PASK: variants seen among roughly 807,000 people sequenced by gnomAD.
PASK encodes the protein PAS domain-containing serine/threonine-protein kinase.
In PASK, 110 loss-of-function variants were observed where a neutral mutation model predicts 121.0. That is an observed-to-expected ratio of 0.91 (90% CI 0.78 to 1.06). PASK has a LOEUF of 1.06. Ranked by LOEUF, PASK falls within the 50% of genes least tolerant of loss-of-function variation. The probability of loss-of-function intolerance (pLI) is 0.00; values close to 1 mark genes in which losing one functional copy is unlikely to be tolerated. For missense variants in PASK, 1,643 were observed against 1,702.3 expected, an observed-to-expected ratio of 0.97 and a Z score of 0.61; for synonymous variants, 686 against 717.8, an observed-to-expected ratio of 0.96 and a Z score of 0.71.
At chr2:241,143,414 G>A (rs1330592819) in intron 1 of PASK, among the ~76,000 whole-genome samples, 1 of 152,128 alleles carries the variant, frequency 6.6e-6, no homozygotes, top group African/African-American at 2.4e-5. Flanking sequence ...AGCCGGGCAT[G>A]GTGGCGGGTG....
At chr2:241,110,221 G>A (rs191068436) in intron 15 of PASK, among the ~76,000 whole-genome samples, 4 of 152,358 alleles carry the variant, frequency 2.6e-5, no homozygotes, top group African/African-American at 4.8e-5. Context: ...AATGCTGTAC[G>A]ATTCCACGTA....
chr2:241,147,105 A>C (rs1304310206), intron 1 of PASK, among the ~76,000 whole-genome samples: 1 of 152,168 alleles, frequency 6.6e-6, no homozygotes, highest in African/African-American at 2.4e-5. Flanking sequence ...TAAGCATCCA[A>C]ATGCACTAAT....
At chr2:241,143,560 GA>G (rs1028692219) in intron 1 of PASK, among the ~76,000 whole-genome samples, 174 of 134,874 alleles carry the variant, frequency 1.3e-3, no homozygotes, top group African/African-American at 4.2e-3. Flanking sequence ...CAAAAAAAAA[GA>G]AAAAAAAAAA....
rs752270245 is a variant in PASK, at chr2:241,124,134, C to T, written c.2720-1G>A. 6.2e-7 allele frequency: 1 copy of T among 1,613,626 alleles called. No individual in the cohort carries two copies. Among genetic ancestry groups the T allele is most frequent in the Non-Finnish European group, 8.5e-7 (1 of 1,179,696 alleles). On this transcript the variant is annotated splice_acceptor_variant, in intron 10 of 17. Coordinates refer to ENST00000234040, the MANE Select transcript of PASK (RefSeq NM_015148.4). LOFTEE classifies it high-confidence loss of function. ...ACCCGCCTCACCTCAAACTGTATAC[C>T]TGAAGGGTGAGAAGGTAAGAACGCA...
chr2:241,126,096 G>A, intron 10 of PASK, 100 bp downstream of exon 10: 2 of 1,001,240 alleles, frequency 2.0e-6, no homozygotes, highest in South Asian at 2.6e-5. Flanking sequence ...ACTATTCCAG[G>A]GTGAAACCCC....
intron 14 of PASK, chr2:241,113,933 T>C (rs1206351121): frequency 1.0e-6 from 1 of 982,918 alleles, no homozygotes; most frequent in African/African-American, 1.7e-5. Flanking sequence ...TGCATCTGTA[T>C]TTACATAGAA....
chr2:241,122,913 G>T lies in PASK; in HGVS notation c.2905-14C>A, dbSNP rs780961171. The stretch of plus-strand genomic sequence containing the variant: ...GGCTCTGAGCACCTGCAATGCAGAA[G>T]AAGGTCTGTGGGGTCACATGCAACT... On this transcript the variant is annotated splice_polypyrimidine_tract_variant and intron_variant, in intron 11 of 17. Coordinates refer to ENST00000234040, the MANE Select transcript of PASK (RefSeq NM_015148.4). 2 of 1,613,336 alleles carry T rather than the reference G, an allele frequency of 1.2e-6. No homozygotes were observed. The highest frequency in any genetic ancestry group is 2.2e-5 in the South Asian group (2 of 91,026).
Position 241,135,876 on chromosome 2 carries a change from C to G in PASK, c.1301G>C (p.Gly434Ala), listed in dbSNP as rs766713864. Reference sequence around the variant, plus strand: ...GGAGGAAGAGGACGTCTTACCCTGGCCCCCCTCAGCTGGGTCCTGGCCCTG... The same window carrying G: ...GGAGGAAGAGGACGTCTTACCCTGGGCCCCCTCAGCTGGGTCCTGGCCCTG... ...PWQGQDPAEG[G>A]QDPRINVVLA... The change falls in exon 8 of 18, where the codon GGC becomes GCC. Residue 434 changes from glycine (G) to alanine (A), a missense_variant. This residue lies in a region of PASK where 1,176 missense variants were observed against 1,162.2 expected (regional missense o/e 1.01). Transcript: ENST00000234040. 1.2e-6 allele frequency: 2 copies of G among 1,613,658 alleles called. No homozygotes were observed. Among genetic ancestry groups the G allele is most frequent in the South Asian group, 1.1e-5 (1 of 91,078 alleles).
Position 241,137,095 on chromosome 2 carries a change from A to T in PASK, c.1046T>A (p.Ile349Asn). The change falls in exon 7 of 18, where the codon ATC (isoleucine) becomes AAC (asparagine). Residue 349 changes from isoleucine to asparagine, a missense_variant. Ile to Asn is a moderately radical substitution (Grantham distance 149, BLOSUM62 -3). Around this residue, in one of 3 missense-constraint regions of PASK, gnomAD observed 1,176 missense variants for 1,162.2 expected, o/e 1.01. Transcript: ENST00000234040. ...GATGGTCCCATCCGGCAGGAGGGTG[A>T]TGAGGCCACTGATGGTGCAGAACAC... ...VWVFCTISGL[I>N]TLLPDGTIHG... The T allele has an allele frequency of 6.2e-7, 1 of 1,613,656 alleles. No individual in the cohort carries two copies. Among genetic ancestry groups the T allele is most frequent in the Non-Finnish European group, 8.5e-7 (1 of 1,179,868 alleles).
At position 241,126,291 on chromosome 2, in the gene PASK, G is replaced by A; in HGVS notation, c.2624C>T (p.Pro875Leu). The A allele has an allele frequency of 6.2e-7, 1 of 1,614,188 alleles. No individual in the cohort carries two copies. The highest frequency in any genetic ancestry group is 8.5e-7 in the Non-Finnish European group (1 of 1,180,032). The change falls in exon 10 of 18, where the codon CCC (proline) becomes CTC (leucine). Residue 875 changes from proline (P) to leucine (L), a missense_variant. Pro to Leu is a moderately conservative substitution (Grantham distance 98). Around this residue, in one of 3 missense-constraint regions of PASK, gnomAD observed 1,176 missense variants for 1,162.2 expected, o/e 1.01. Coordinates refer to ENST00000234040, the MANE Select transcript of PASK (RefSeq NM_015148.4). ...PRLNVQVTST[P>L]VIVMRGAAGL... is the part of the protein sequence containing the mutation. ...AGCAGCCCCGCGCATCACGATCACG[G>A]GCGTGGAGGTGACCTGGACGTTCAG...
rs143511169 is a variant in PASK, at chr2:241,108,360, CCCATGGGAAGCA to C, written c.3534-72_3534-61del. 24,533 of 1,585,202 alleles carry C rather than the reference CCCATGGGAAGCA, an allele frequency of 0.015. 1,625 individuals carry two copies. In the African/African-American group the frequency reaches 0.2, roughly 13 times the overall value. On this transcript the variant is annotated intron_variant, in intron 15 of 17. Coordinates refer to ENST00000234040, the MANE Select transcript of PASK (RefSeq NM_015148.4). This position sits in a 1 kb window ranked among gnomAD's most constrained non-coding sequence, Gnocchi z 5.2. ...ACTCAGCGCAGGCTTGCCAAGCCCGCCCATGGGAAGCACCATGGCCCTTCCCGACCAGCACAC... is the reference window on the plus strand; with the variant it reads ...ACTCAGCGCAGGCTTGCCAAGCCCGCCCATGGCCCTTCCCGACCAGCACAC...
chr2:241,132,955 T>C lies in PASK; in HGVS notation c.1382A>G (p.Gln461Arg). The C allele has an allele frequency of 6.2e-7, 1 of 1,613,964 alleles. No individual in the cohort carries two copies. The highest frequency in any genetic ancestry group is 1.1e-5 in the South Asian group (1 of 91,072). The change falls in exon 9 of 18, where the codon CAA becomes CGA. Residue 461 changes from glutamine to arginine, a missense_variant. Gln to Arg is a conservative substitution (Grantham distance 43). Transcript: ENST00000234040. ...AGTCTGAGTCCCGGTGAAGATGTCT[T>C]GGCTTTCCATCAGCTTCCGGATCTC... ...RDEIRKLMES[Q>R]DIFTGTQTEL...
At chr2:241,110,062 C>T (rs992332802) in intron 15 of PASK, among the ~76,000 whole-genome samples, 3 of 152,228 alleles carry the variant, frequency 2.0e-5, no homozygotes, top group Non-Finnish European at 4.4e-5. Context: ...AGAAGCAACA[C>T]AAATGTCCAC....
chr2:241,146,065 C>T (rs1259928906), intron 1 of PASK, among the ~76,000 whole-genome samples: 2 of 152,062 alleles, frequency 1.3e-5, no homozygotes, highest in Admixed American at 6.5e-5. Flanking sequence ...AATTAATATC[C>T]AGAATAGCTT....
chr2:241,122,507 C>T (rs2065657423), intron 12 of PASK, among the ~76,000 whole-genome samples: 1 of 152,178 alleles, frequency 6.6e-6, no homozygotes, highest in Non-Finnish European at 1.5e-5. Context: ...CTGGCCTGTT[C>T]GAGGTCTGAA....
chr2:241,140,850 T>G, intron 2 of PASK, 97 bp from the exon 3 acceptor site: 1 of 768,006 alleles, frequency 1.3e-6, no homozygotes, highest in Non-Finnish European at 2.3e-6. Flanking sequence ...CCTCAACTCC[T>G]GCAAAAAGAT....
rs769254338 is a variant in PASK at position 241,126,583 on chromosome 2, C to G, written c.2332G>C (p.Asp778His). The G allele has an allele frequency of 6.2e-7, 1 of 1,614,226 alleles. No homozygotes were observed. The highest frequency in any genetic ancestry group is 1.1e-5 in the South Asian group (1 of 91,082). Residue 778 changes from aspartate (D) to histidine (H), a missense_variant, in exon 10 of 18, where the codon GAT becomes CAT. Physicochemically the swap from Asp to His is moderately conservative, Grantham distance 81. This residue lies in a region of PASK where 1,176 missense variants were observed against 1,162.2 expected (regional missense o/e 1.01). Transcript: ENST00000234040. ...TCCTGGAGACTGCCTACATCTGGAT[C>G]GGAGCCCACTGCCAAGGAAGAGGGT... ...ETPSSLAVGS[D>H]PDVGSLQEQG...
At chr2:241,126,048 T>C in intron 10 of PASK, 148 bp downstream of exon 10, 1 of 765,248 alleles carries the variant, frequency 1.3e-6, no homozygotes, top group Non-Finnish European at 2.2e-6. Flanking sequence ...TAGGGGTGGA[T>C]GATATGCATT....
At position 241,127,426 on chromosome 2, in the gene PASK, G is replaced by C; in HGVS notation, c.1489C>G (p.Leu497Val). 1 of 1,614,070 alleles carries C rather than the reference G, an allele frequency of 6.2e-7. No homozygotes were observed. Among genetic ancestry groups the C allele is most frequent in the Non-Finnish European group, 8.5e-7 (1 of 1,179,932 alleles). The part of the protein sequence containing the change: ...PGVDNVPEGS[L>V]PVHGEQALPK... ...AGCGCCTGTTCACCGTGCACTGGCAGGCTTCCTTCTGGGACATTGTCCACC... is the reference window on the plus strand; with the variant it reads ...AGCGCCTGTTCACCGTGCACTGGCACGCTTCCTTCTGGGACATTGTCCACC... The change falls in exon 10 of 18, where the codon CTG becomes GTG. Residue 497 changes from leucine to valine, a missense_variant. Around this residue, in one of 3 missense-constraint regions of PASK, gnomAD observed 1,176 missense variants for 1,162.2 expected, o/e 1.01. Transcript: ENST00000234040.
Sources: gnomAD v4.1 joint callset for allele counts (sites outside exome capture counted in the v4.1 genomes callset) on GRCh38, gnomAD v4.1.1 for gene constraint, gnomAD v4.1.1 regional missense constraint, Gnocchi (gnomAD v3.1) non-coding constraint, MANE v1.5 for transcripts, NCBI Gene and HGNC (gene_info 2026-07-23, HGNC 2026-07-21) for gene names.